RIMBP2: variants seen among roughly 807,000 people sequenced by gnomAD.
The protein encoded by RIMBP2 is RIMS binding protein 2.
A neutral mutation model predicts 118.6 loss-of-function variants in RIMBP2; 48 were observed. The ratio of observed to expected loss-of-function variants is 0.40; its 90% confidence interval spans 0.32 to 0.51. The LOEUF is 0.51. Ranked by LOEUF, RIMBP2 falls within the 20% of genes least tolerant of loss-of-function variation. The probability of loss-of-function intolerance (pLI) is 0.41; values close to 1 mark genes in which losing one functional copy is unlikely to be tolerated. For synonymous variants in RIMBP2, 762 were observed against 742.9 expected, an observed-to-expected ratio of 1.03 and a Z score of -0.42; for missense variants, 1,551 against 1,768.3, an observed-to-expected ratio of 0.88 and a Z score of 2.20.
rs145828403 is a variant in RIMBP2 at position 130,485,502 on chromosome 12, C to A, written c.-3-6486G>T. On this transcript the variant is annotated intron_variant, in intron 4 of 22. Transcript: ENST00000690449. ...GGGGCCAGGGCAGAGAAGCAGCTTT[C>A]GACTTCCTCGCGGCCCACCTGGCCT... Among the ~76,000 whole-genome samples, 28 of 152,400 alleles carry A rather than the reference C, an allele frequency of 1.8e-4. No homozygotes were observed. In the East Asian group the frequency reaches 5.4e-3, roughly 29 times the overall value.
At chr12:130,556,447 CAGAT>C (rs1427300095) in intron 2 of RIMBP2, among the ~76,000 whole-genome samples, 1 of 152,210 alleles carries the variant, frequency 6.6e-6, no homozygotes, top group Non-Finnish European at 1.5e-5. Flanking sequence ...TGTCTGGAAA[CAGAT>C]AGAACCTCCA....
chr12:130,694,210 A>G (rs928558962), intron 1 of RIMBP2, among the ~76,000 whole-genome samples: 1 of 152,012 alleles, frequency 6.6e-6, no homozygotes, highest in East Asian at 1.9e-4. Context: ...CTCAAGCAAA[A>G]CCCTCCTTGG....
rs2136942815 is a variant in RIMBP2 at position 130,431,566 on chromosome 12, TTATTAACAATATA to T, written c.2253+3155_2253+3167del. 1 of 187,954 alleles carries T rather than the reference TTATTAACAATATA, an allele frequency of 5.3e-6. No individual in the cohort carries two copies. The highest frequency in any genetic ancestry group is 1.5e-4 in the East Asian group (1 of 6,768). The allele number at this position is 187,954 out of a possible 1,614,324, so 11.6% of individuals were successfully genotyped here. A position where few individuals can be genotyped will look rare whatever the true frequency, so the allele number is the denominator to read the frequency against. Reference sequence around the variant, plus strand: ...ACTTATTTTATGTTATATTATTATATTATTAACAATATATATTAACAATTAATATATTGTTATA... The same window carrying T: ...ACTTATTTTATGTTATATTATTATATTATTAACAATTAATATATTGTTATA... On this transcript the variant is annotated intron_variant, in intron 14 of 22. Transcript: ENST00000690449. This position sits in a 1 kb window ranked among gnomAD's most constrained non-coding sequence, Gnocchi z 4.0.
intron 1 of RIMBP2, among the ~76,000 whole-genome samples, chr12:130,707,655 G>A (rs1290762918): frequency 6.6e-6 from 1 of 152,130 alleles, no homozygotes; most frequent in Non-Finnish European, 1.5e-5. Context: ...TTTCCAACAG[G>A]AGCCCTCTGG....
intron 11 of RIMBP2, among the ~76,000 whole-genome samples, chr12:130,439,563 G>A (rs2077883670): frequency 7.2e-6 from 1 of 138,408 alleles, no homozygotes; most frequent in African/African-American, 2.7e-5. Context: ...GGGTGTCCAT[G>A]GGTGTATGTG....
At chr12:130,626,306 C>G (rs1173646830) in intron 2 of RIMBP2, among the ~76,000 whole-genome samples, 1 of 152,248 alleles carries the variant, frequency 6.6e-6, no homozygotes, top group African/African-American at 2.4e-5. Context: ...CCATTACCAT[C>G]ATTATCACCA....
rs79169736 is a variant in RIMBP2 at position 130,446,670 on chromosome 12, G to A, written c.582-1401C>T. On this transcript the variant is annotated intron_variant, in intron 9 of 22. Transcript: ENST00000690449. The surrounding 1 kb of genome is among the most constrained non-coding windows in gnomAD (Gnocchi z 4.1). ...AGCTCTGGAAGAAGGAATAGCATGC[G>A]CCAAGGCCCAGAGGCAGGGAGGAGA... Among the ~76,000 whole-genome samples, 2 of 152,218 alleles carry A rather than the reference G, an allele frequency of 1.3e-5. No homozygotes were observed. Among genetic ancestry groups the A allele is most frequent in the African/African-American group, 4.8e-5 (2 of 41,460 alleles).
intron 2 of RIMBP2, among the ~76,000 whole-genome samples, chr12:130,595,104 G>A (rs567962603): frequency 1.3e-4 from 20 of 152,170 alleles, no homozygotes; most frequent in Non-Finnish European, 2.8e-4. Context: ...GTTAAATAAT[G>A]CACTTTAAAG....
intron 2 of RIMBP2, among the ~76,000 whole-genome samples, chr12:130,568,524 G>A (rs1347435315): frequency 6.6e-6 from 1 of 152,182 alleles, no homozygotes; most frequent in Non-Finnish European, 1.5e-5. Flanking sequence ...TCTAATTTCG[G>A]GTTGACAATG....
chr12:130,601,998 C>T (rs2059906719), intron 2 of RIMBP2, among the ~76,000 whole-genome samples: 1 of 152,130 alleles, frequency 6.6e-6, no homozygotes, highest in Non-Finnish European at 1.5e-5. Context: ...ATTTTTCTTT[C>T]TTTCTTTAAG....
At position 130,532,294 on chromosome 12, in the gene RIMBP2, C is replaced by CGTCT. The variant is rs1392545236; in HGVS notation, c.-216-14378_-216-14377insAGAC. Among the ~76,000 whole-genome samples, 86 of 147,068 alleles carry CGTCT rather than the reference C, an allele frequency of 5.8e-4. 3 individuals are homozygous for CGTCT. The highest frequency in any genetic ancestry group is 8.6e-4 in the East Asian group (4 of 4,644). ...GCGTATGTTTAGCCTCTAGGAGGTA[C>CGTCT]ATCTAATGAGATGCGTGTGTTTAGC... On this transcript the variant is annotated intron_variant, in intron 2 of 22. Transcript: ENST00000690449.
chr12:130,490,110 C>T lies in RIMBP2; in HGVS notation c.-3-11094G>A, dbSNP rs181781428. On this transcript the variant is annotated intron_variant, in intron 4 of 22. Coordinates refer to ENST00000690449, the MANE Select transcript of RIMBP2 (RefSeq NM_001393629.1). ...CTGCACTCCAGCCTGGGTGACAGAGCGAGACTCTGTCTCAAAAAAAAAAAA... is the reference window on the plus strand; with the variant it reads ...CTGCACTCCAGCCTGGGTGACAGAGTGAGACTCTGTCTCAAAAAAAAAAAA... 7.8e-3 allele frequency among the ~76,000 whole-genome samples: 949 copies of T among 121,492 alleles called. 17 individuals are homozygous for T. The highest frequency in any genetic ancestry group is 0.031 in the African/African-American group (909 of 29,728). 79.7% of individuals were successfully genotyped at this position (121,492 alleles called of 152,430 possible).
At chr12:130,483,299 G>A (rs113955661) in intron 4 of RIMBP2, among the ~76,000 whole-genome samples, 1 of 152,086 alleles carries the variant, frequency 6.6e-6, no homozygotes. Context: ...CAAATACGCC[G>A]ATTGTGTGTG....
Position 130,434,689 on chromosome 12 carries a change from C to A in RIMBP2, c.2253+45G>T. The A allele has an allele frequency of 6.3e-7, 1 of 1,580,136 alleles. No homozygotes were observed. The highest frequency in any genetic ancestry group is 1.1e-5 in the South Asian group (1 of 88,288). On this transcript the variant is annotated intron_variant, in intron 14 of 22. Transcript: ENST00000690449. The surrounding 1 kb of genome is among the most constrained non-coding windows in gnomAD (Gnocchi z 5.7). ...TGATCTCCACGGGGCCCGCTCCGAG[C>A]CCGCGCCCACCAGGAGGATGGTGTG...
intron 3 of RIMBP2, 41 bp downstream of exon 3, chr12:130,517,787 T>TGGC: frequency 1.1e-6 from 1 of 894,318 alleles, no homozygotes; most frequent in Non-Finnish European, 1.3e-6. Flanking sequence ...GCCCGCTCCC[T>TGGC]CCAGGGCCCC....
intron 13 of RIMBP2, among the ~76,000 whole-genome samples, chr12:130,435,227 G>A (rs1202783996): frequency 6.6e-6 from 1 of 152,022 alleles, no homozygotes; most frequent in Non-Finnish European, 1.5e-5. Context: ...TGTATTTTTA[G>A]TAGAGACAGA....
chr12:130,654,627 A>G (rs11061058), intron 1 of RIMBP2, among the ~76,000 whole-genome samples: 17,983 of 152,254 alleles, frequency 0.12, 1,219 homozygotes, highest in Non-Finnish European at 0.15. Context: ...ACTTTCAGGT[A>G]TCTTTATAGC....
chr12:130,561,318 CAA>C (rs1199033062), intron 2 of RIMBP2, among the ~76,000 whole-genome samples: 3 of 152,132 alleles, frequency 2.0e-5, no homozygotes, highest in African/African-American at 7.2e-5. Flanking sequence ...CTTATTTTCC[CAA>C]AGTCCAACAT....
At chr12:130,491,715 C>T (rs1032885398) in intron 4 of RIMBP2, among the ~76,000 whole-genome samples, 2 of 152,168 alleles carry the variant, frequency 1.3e-5, no homozygotes, top group East Asian at 3.9e-4. Context: ...ACCCTGACAC[C>T]GGGCTTCCGC....
Sources: allele counts gnomAD v4.1 joint callset (sites outside exome capture counted in the v4.1 genomes callset), GRCh38; gene constraint gnomAD v4.1.1; non-coding constraint Gnocchi (gnomAD v3.1); transcripts MANE v1.5; gene names NCBI Gene and HGNC (gene_info 2026-07-23, HGNC 2026-07-21).